The following RARB variants were observed in gnomAD, a reference collection of about 807,000 sequenced individuals.
RARB encodes HBV-activated protein.
In RARB, 17 loss-of-function variants were observed where a neutral mutation model predicts 51.9. That is an observed-to-expected ratio of 0.33 (90% CI 0.22 to 0.49). The LOEUF is 0.49. Ranked by LOEUF, RARB falls within the 20% of genes least tolerant of loss-of-function variation. RARB has a pLI of 0.99. For synonymous variants in RARB, 215 were observed against 195.4 expected (o/e 1.10, Z -0.84); for missense variants, 369 against 550.8 (o/e 0.67, Z 3.30).
intron 2 of RARB, among the ~76,000 whole-genome samples, chr3:25,489,714 A>G (rs977110198): frequency 2.0e-5 from 3 of 152,226 alleles, no homozygotes; most frequent in African/African-American, 7.2e-5. Flanking sequence ...GCAGTCCTGA[A>G]CCAAAGAACA....
intron 5 of RARB, among the ~76,000 whole-genome samples, chr3:25,284,046 TC>T (rs1326341922): frequency 6.6e-6 from 1 of 152,216 alleles, no homozygotes; most frequent in African/African-American, 2.4e-5. Context: ...GCAATCTCTC[TC>T]CTTCCCTTCA....
chr3:25,268,408 A>G (rs895775433), intron 5 of RARB, among the ~76,000 whole-genome samples: 1 of 151,554 alleles, frequency 6.6e-6, no homozygotes, highest in African/African-American at 2.4e-5. Flanking sequence ...AAAAAAGTCA[A>G]GATGCCATGT....
chr3:25,531,432 T>C lies in RARB; in HGVS notation c.448+30109T>C, dbSNP rs145846886. Among the ~76,000 whole-genome samples the C allele has an allele frequency of 6.8e-4, 103 of 151,548 alleles. 2 individuals are homozygous for C. The East Asian group carries it at 0.019, about 28-fold the overall frequency. ...GATAGATAGATAGATAGAAGATAGATAGATACAGATAGATTTATATATGTG... is the reference window on the plus strand; with the variant it reads ...GATAGATAGATAGATAGAAGATAGACAGATACAGATAGATTTATATATGTG... On this transcript the variant is annotated intron_variant, in intron 3 of 7. Coordinates refer to ENST00000330688, the MANE Select transcript of RARB (RefSeq NM_000965.5).
At position 25,275,051 on chromosome 3, in the gene RARB, G is replaced by A. The variant is rs562293047; in HGVS notation, c.178+100476G>A. Among the ~76,000 whole-genome samples, 29 of 152,222 alleles carry A rather than the reference G, an allele frequency of 1.9e-4. 1 individual carries two copies. Among genetic ancestry groups the A allele is most frequent in the Admixed American group, 5.2e-4 (8 of 15,284 alleles). On this transcript the variant is annotated intron_variant, in intron 5 of 11. Coordinates refer to the RARB transcript ENST00000383772. ...ATACTGTTTTTTAAAAAAGATCTTC[G>A]TCTTCTCTTGGCCCCATGCTCTTAT...
At position 25,428,335 on chromosome 3, in the gene RARB, T is replaced by C; in HGVS notation, c.-397T>C. On this transcript the variant is annotated 5_prime_UTR_variant, in exon 1 of 8. Coordinates refer to ENST00000330688, the MANE Select transcript of RARB (RefSeq NM_000965.5). ...TTCTTTGCCAAAGGGGGGACCAGAA[T>C]TCCCCCATGCGAGCTGTTTGAGGAC... 2 of 1,247,144 alleles carry C rather than the reference T, an allele frequency of 1.6e-6. No individual in the cohort carries two copies. 77.3% of individuals were successfully genotyped at this position (1,247,144 alleles called of 1,614,324 possible).
intron 1 of RARB, chr3:25,458,276 G>A (rs1473968838): frequency 1.3e-5 from 2 of 152,094 alleles, no homozygotes; most frequent in African/African-American, 4.8e-5. Flanking sequence ...GTTAAACAAA[G>A]TCCTCAGCAG....
At chr3:24,898,684 G>A (rs2363516) in intron 2 of RARB, among the ~76,000 whole-genome samples, 110,275 of 152,076 alleles carry the variant, frequency 0.73, 40,504 homozygotes, top group East Asian at 0.86. Flanking sequence ...ATTCTAATCA[G>A]CTCTATTTTC....
intron 3 of RARB, among the ~76,000 whole-genome samples, chr3:25,074,664 G>A (rs554307963): frequency 1.2e-4 from 18 of 152,162 alleles, no homozygotes; most frequent in Admixed American, 3.3e-4. Context: ...ATTTCTTGAA[G>A]AGATGTATAT....
At position 25,043,612 on chromosome 3, in the gene RARB, G is replaced by A. The variant is rs150434449; in HGVS notation, c.-379-16513G>A. ...ATTCCTCCCATGGAGTTCAGGGAGA[G>A]AAAAGATAAAGTAGGCGTTACAGGG... On this transcript the variant is annotated intron_variant, in intron 2 of 11. Coordinates refer to the RARB transcript ENST00000383772. 5.1e-4 allele frequency among the ~76,000 whole-genome samples: 78 copies of A among 152,294 alleles called. No homozygotes were observed. The East Asian group carries it at 0.01, about 20-fold the overall frequency.
At chr3:25,019,036 A>G (rs1697573903) in intron 2 of RARB, among the ~76,000 whole-genome samples, 1 of 152,222 alleles carries the variant, frequency 6.6e-6, no homozygotes, top group South Asian at 2.1e-4. Context: ...TAAAAAGAAA[A>G]GCAGAACTTG....
At chr3:25,042,894 T>G (rs1274255495) in intron 2 of RARB, among the ~76,000 whole-genome samples, 2 of 151,790 alleles carry the variant, frequency 1.3e-5, no homozygotes, top group Non-Finnish European at 3.0e-5. Flanking sequence ...ACTTTTCTAC[T>G]CTCTCCTTTT....
intron 2 of RARB, among the ~76,000 whole-genome samples, chr3:25,037,345 A>C (rs1372328330): frequency 6.6e-6 from 1 of 151,932 alleles, no homozygotes; most frequent in Non-Finnish European, 1.5e-5. Context: ...ACTGTGGTGA[A>C]GTCAAATTCA....
chr3:25,367,652 TAA>T lies in RARB; in HGVS notation c.179-93526_179-93525del, dbSNP rs34629828. Among the ~76,000 whole-genome samples, 416 of 139,188 alleles carry T rather than the reference TAA, an allele frequency of 3.0e-3. 1 individual carries two copies. The highest frequency in any genetic ancestry group is 9.9e-3 in the East Asian group (47 of 4,742). The allele number at this position is 139,188 out of a possible 152,430, so 91.3% of individuals were successfully genotyped here. ...GCAACATGGTAAAAACCCATCTCTA[TAA>T]AAAAAAAAAAAAAATACCAAAATTA... On this transcript the variant is annotated intron_variant, in intron 5 of 11. Transcript: ENST00000383772.
At chr3:25,284,812 G>A (rs922362642) in intron 5 of RARB, among the ~76,000 whole-genome samples, 1 of 152,146 alleles carries the variant, frequency 6.6e-6, no homozygotes, top group African/African-American at 2.4e-5. Context: ...CAGTATTCAC[G>A]GGATGCCAAA....
At chr3:25,410,113 C>T (rs577298898) in intron 5 of RARB, among the ~76,000 whole-genome samples, 2 of 152,266 alleles carry the variant, frequency 1.3e-5, no homozygotes, top group Non-Finnish European at 2.9e-5. Context: ...TGTACTTTGG[C>T]CAAACAGATT....
chr3:24,862,745 C>T (rs1702775747), intron 2 of RARB, among the ~76,000 whole-genome samples: 1 of 152,168 alleles, frequency 6.6e-6, no homozygotes, highest in Admixed American at 6.5e-5. Flanking sequence ...GGCTACTCTA[C>T]TAAACCTGAA....
chr3:25,186,270 A>G (rs946431516), intron 5 of RARB, among the ~76,000 whole-genome samples: 5 of 152,120 alleles, frequency 3.3e-5, no homozygotes, highest in Non-Finnish European at 5.9e-5. Context: ...ACAGATGAAA[A>G]AATTAAGAAT....
At chr3:25,301,304 T>G (rs1011713852) in intron 5 of RARB, among the ~76,000 whole-genome samples, 1 of 152,156 alleles carries the variant, frequency 6.6e-6, no homozygotes, top group Non-Finnish European at 1.5e-5. Flanking sequence ...GGACTCTCCA[T>G]TTTGTGCATA....
At chr3:25,531,383 GATAGGTAGATAGATAGA>G in intron 3 of RARB, among the ~76,000 whole-genome samples, 1 of 100,470 alleles carries the variant, frequency 1.0e-5, no homozygotes, top group African/African-American at 6.0e-5. Context: ...TAGATAGATA[GATAGGTAGATAGATAGA>G]TAGATAGATA....
Sources: allele counts gnomAD v4.1 joint callset (sites outside exome capture counted in the v4.1 genomes callset), GRCh38; gene constraint gnomAD v4.1.1; transcripts MANE v1.5; gene names NCBI Gene and HGNC (gene_info 2026-07-23, HGNC 2026-07-21).